Variants in EXOC4 observed in about 807,000 individuals in gnomAD.
EXOC4 encodes the protein SEC8-like 1.
EXOC4 carries 71 observed loss-of-function variants against 107.2 expected under a neutral mutation model. That is an observed-to-expected ratio of 0.66 (90% CI 0.55 to 0.81). The LOEUF is 0.81. Among genes scored for constraint, EXOC4 ranks in the 30% least tolerant of loss-of-function variants. The probability of loss-of-function intolerance (pLI) is 0.00; values close to 1 mark genes in which losing one functional copy is unlikely to be tolerated. For synonymous variants in EXOC4, 456 were observed against 441.2 expected (o/e 1.03, Z -0.42); for missense variants, 1,108 against 1,189.6 (o/e 0.93, Z 1.01).
At chr7:133,528,497 T>C (rs1355592570) in intron 9 of EXOC4, among the ~76,000 whole-genome samples, 2 of 152,202 alleles carry the variant, frequency 1.3e-5, no homozygotes, top group Non-Finnish European at 2.9e-5. Flanking sequence ...CTGATCATTG[T>C]ATTCTCTTCA....
At chr7:134,051,431 G>A (rs866530646) in intron 17 of EXOC4, among the ~76,000 whole-genome samples, 27 of 152,162 alleles carry the variant, frequency 1.8e-4, no homozygotes, top group Admixed American at 9.2e-4. Flanking sequence ...CTAGCACTTC[G>A]GGAGGCCGAG....
At chr7:133,912,402 G>A (rs1373103283) in intron 12 of EXOC4, among the ~76,000 whole-genome samples, 1 of 152,100 alleles carries the variant, frequency 6.6e-6, no homozygotes, top group African/African-American at 2.4e-5. Flanking sequence ...TTTTACATTG[G>A]GGTTTTTCAA....
chr7:134,091,864 C>A, the EXOC4 span, among the ~76,000 whole-genome samples: 11 of 152,196 alleles, frequency 7.2e-5, no homozygotes, highest in South Asian at 2.1e-4. Flanking sequence ...TGTGTTTAAA[C>A]CTTTTAAAAG....
At chr7:134,037,344 C>A (rs991300483) in intron 17 of EXOC4, among the ~76,000 whole-genome samples, 1 of 152,110 alleles carries the variant, frequency 6.6e-6, no homozygotes, top group Non-Finnish European at 1.5e-5. Context: ...GACTTTATTT[C>A]TTCACTGAAA....
At chr7:133,824,557 C>A (rs918138800) in intron 11 of EXOC4, among the ~76,000 whole-genome samples, 2 of 152,146 alleles carry the variant, frequency 1.3e-5, no homozygotes, top group African/African-American at 4.8e-5. Flanking sequence ...GTATTTTTGT[C>A]CATTAAAGCT....
At chr7:133,279,672 C>T (rs558294090) in intron 2 of EXOC4, among the ~76,000 whole-genome samples, 2 of 152,188 alleles carry the variant, frequency 1.3e-5, no homozygotes, top group African/African-American at 4.8e-5. Flanking sequence ...GTACATTCCA[C>T]CATGCCTGGC....
chr7:133,854,149 T>C (rs1436969282), intron 11 of EXOC4, among the ~76,000 whole-genome samples: 1 of 152,000 alleles, frequency 6.6e-6, no homozygotes, highest in Non-Finnish European at 1.5e-5. Flanking sequence ...CATTTGGCTG[T>C]GGGGAGAGGC....
intron 5 of EXOC4, among the ~76,000 whole-genome samples, chr7:133,327,315 G>A (rs1160487976): frequency 6.6e-6 from 1 of 152,222 alleles, no homozygotes; most frequent in Non-Finnish European, 1.5e-5. Context: ...GCTGTGGGCT[G>A]TAGACTGGAG....
intron 9 of EXOC4, among the ~76,000 whole-genome samples, chr7:133,548,642 C>T (rs1252684358): frequency 1.3e-5 from 2 of 152,194 alleles, no homozygotes; most frequent in Admixed American, 6.5e-5. Flanking sequence ...TGGCTTCTTT[C>T]CTTAAACCTA....
intron 9 of EXOC4, among the ~76,000 whole-genome samples, chr7:133,566,104 A>G (rs1024620447): frequency 6.6e-6 from 1 of 152,202 alleles, no homozygotes; most frequent in Non-Finnish European, 1.5e-5. Context: ...GTATTGGCCT[A>G]TATGAAAATA....
At chr7:133,256,692 A>G (rs1207266873) in intron 1 of EXOC4, among the ~76,000 whole-genome samples, 2 of 152,176 alleles carry the variant, frequency 1.3e-5, no homozygotes, top group Non-Finnish European at 2.9e-5. Flanking sequence ...GTACTACATT[A>G]TGTATCATAA....
At chr7:133,504,467 G>C (rs969086787) in intron 9 of EXOC4, among the ~76,000 whole-genome samples, 3 of 152,004 alleles carry the variant, frequency 2.0e-5, no homozygotes, top group Non-Finnish European at 2.9e-5. Flanking sequence ...TAAGAGGCTC[G>C]CAATTGATAA....
chr7:133,478,533 A>C (rs1178029051), intron 8 of EXOC4, among the ~76,000 whole-genome samples: 1 of 152,166 alleles, frequency 6.6e-6, no homozygotes, highest in East Asian at 1.9e-4. Flanking sequence ...CTCAATCTCT[A>C]GTGCCTCTTT....
intron 9 of EXOC4, among the ~76,000 whole-genome samples, chr7:133,618,345 T>C (rs1280867497): frequency 6.6e-6 from 1 of 152,140 alleles, no homozygotes; most frequent in African/African-American, 2.4e-5. Context: ...AACATCTTTG[T>C]TGCCAAATCT....
At chr7:133,630,934 G>A (rs576474293) in intron 10 of EXOC4, among the ~76,000 whole-genome samples, 1 of 152,172 alleles carries the variant, frequency 6.6e-6, no homozygotes, top group South Asian at 2.1e-4. Flanking sequence ...GAAAAAAGGG[G>A]CAATTGTTGA....
chr7:133,823,232 C>T (rs1235115939), intron 11 of EXOC4, among the ~76,000 whole-genome samples: 1 of 152,192 alleles, frequency 6.6e-6, no homozygotes, highest in Non-Finnish European at 1.5e-5. Flanking sequence ...TAGAATCCGC[C>T]TGCAAACACC....
At position 133,523,613 on chromosome 7, in the gene EXOC4, C is replaced by T. The variant is rs1232090575; in HGVS notation, c.1417+43475C>T. Among the ~76,000 whole-genome samples, 3 of 151,012 alleles carry T rather than the reference C, an allele frequency of 2.0e-5. No homozygotes were observed. The East Asian group carries it at 5.9e-4, about 30-fold the overall frequency. On this transcript the variant is annotated intron_variant, in intron 9 of 17. Coordinates refer to ENST00000253861, the MANE Select transcript of EXOC4 (RefSeq NM_021807.4). Reference sequence around the variant, plus strand: ...CCCCCTTCCCCCACCCCACAACAGTCCCCAGAGTGTGATGTTCCCCTTCCT... The same window carrying T: ...CCCCCTTCCCCCACCCCACAACAGTTCCCAGAGTGTGATGTTCCCCTTCCT...
At chr7:134,069,238 A>C (rs201352594), downstream of EXOC4, among the ~76,000 whole-genome samples, 281 of 45,246 alleles carry the variant, frequency 6.2e-3, no homozygotes, top group East Asian at 0.018. Flanking sequence ...TCTTCTCCTT[A>C]TTCTCCTTAT....
intron 14 of EXOC4, among the ~76,000 whole-genome samples, chr7:133,995,310 A>G (rs139845665): frequency 6.6e-6 from 1 of 152,202 alleles, no homozygotes; most frequent in African/African-American, 2.4e-5. Context: ...AATTTGGTCT[A>G]TTAGTATAGC....
Sources: gnomAD v4.1 joint callset for allele counts (sites outside exome capture counted in the v4.1 genomes callset) on GRCh38, gnomAD v4.1.1 for gene constraint, MANE v1.5 for transcripts, NCBI Gene and HGNC (gene_info 2026-07-23, HGNC 2026-07-21) for gene names.